Variants in SEZ6L observed in about 807,000 individuals in gnomAD.
The protein encoded by SEZ6L is seizure related 6 homolog like.
SEZ6L carries 37 observed loss-of-function variants against 106.2 expected under a neutral mutation model. The ratio of observed to expected loss-of-function variants is 0.35; its 90% confidence interval spans 0.27 to 0.46. The LOEUF (loss-of-function observed/expected upper bound fraction) is 0.46. SEZ6L is among the 20% of genes least tolerant of loss of function. SEZ6L has a pLI of 1.00. For missense variants in SEZ6L, 1,172 were observed against 1,332.8 expected, an observed-to-expected ratio of 0.88 and a Z score of 1.88; for synonymous variants, 541 against 570.4, an observed-to-expected ratio of 0.95 and a Z score of 0.73.
intron 13 of SEZ6L, among the ~76,000 whole-genome samples, chr22:26,370,218 T>C (rs1235183693): frequency 6.6e-6 from 1 of 151,884 alleles, no homozygotes; most frequent in Non-Finnish European, 1.5e-5. Flanking sequence ...TCGTCTCTAC[T>C]AAAAATACAA....
intron 1 of SEZ6L, among the ~76,000 whole-genome samples, chr22:26,233,523 A>G (rs559559111): frequency 6.6e-6 from 1 of 152,312 alleles, no homozygotes; most frequent in African/African-American, 2.4e-5. Context: ...TATTACGCTC[A>G]TTTTACAGAT....
chr22:26,301,821 C>T (rs1342661805), intron 5 of SEZ6L, among the ~76,000 whole-genome samples: 1 of 152,072 alleles, frequency 6.6e-6, no homozygotes, highest in Non-Finnish European at 1.5e-5. Context: ...TTTGAGAAAG[C>T]AAATAAATAA....
At chr22:26,332,340 G>A (rs4471991) in intron 9 of SEZ6L, among the ~76,000 whole-genome samples, 31,587 of 151,556 alleles carry the variant, frequency 0.21, 4,483 homozygotes, top group African/African-American at 0.4. Context: ...TGTAGAGATG[G>A]GATTTCACCA....
chr22:26,235,092 C>G, intron 1 of SEZ6L, among the ~76,000 whole-genome samples: 1 of 152,218 alleles, frequency 6.6e-6, no homozygotes, highest in East Asian at 1.9e-4. Context: ...CTTCCATCCC[C>G]TACAGTAGTG....
chr22:26,185,341 A>G (rs559585579), intron 1 of SEZ6L, among the ~76,000 whole-genome samples: 3 of 152,336 alleles, frequency 2.0e-5, no homozygotes, highest in Middle Eastern at 6.8e-3. Context: ...AGTGAGAGTC[A>G]GAGACCTGAG....
intron 12 of SEZ6L, among the ~76,000 whole-genome samples, chr22:26,358,516 G>A (rs2083511434): frequency 6.6e-6 from 1 of 152,162 alleles, no homozygotes; most frequent in Admixed American, 6.5e-5. Context: ...ACTATTACTA[G>A]GGGACTTGAT....
intron 9 of SEZ6L, among the ~76,000 whole-genome samples, chr22:26,318,723 T>C (rs935234008): frequency 2.0e-5 from 3 of 152,352 alleles, no homozygotes; most frequent in Admixed American, 2.0e-4. Flanking sequence ...AAATGAAATG[T>C]ATTCAAAGAC....
intron 5 of SEZ6L, among the ~76,000 whole-genome samples, chr22:26,302,339 T>C (rs2081482073): frequency 6.6e-6 from 1 of 152,230 alleles, no homozygotes; most frequent in South Asian, 2.1e-4. Flanking sequence ...AGCACTGGTT[T>C]GTAACGCACT....
At chr22:26,290,403 G>A (rs779991775) in intron 1 of SEZ6L, among the ~76,000 whole-genome samples, 5 of 152,276 alleles carry the variant, frequency 3.3e-5, no homozygotes, top group Non-Finnish European at 2.9e-5. Flanking sequence ...ATGGTGGCAC[G>A]CACCTGTGGT....
At position 26,203,875 on chromosome 22, in the gene SEZ6L, T is replaced by C. The variant is rs73417525; in HGVS notation, c.94+34112T>C. Among the ~76,000 whole-genome samples the C allele has an allele frequency of 9.0e-3, 1,364 of 152,050 alleles. 29 individuals are homozygous for C. Among genetic ancestry groups the C allele is most frequent in the African/African-American group, 0.03 (1,262 of 41,462 alleles). ...AGACCCCTTAAGAGCTGAAGAAGAG[T>C]AGGAGCAGAGAGAGGGAGAGGGTAA... On this transcript the variant is annotated intron_variant, in intron 1 of 16. Transcript: ENST00000248933.
At chr22:26,257,010 T>C (rs1450656237) in intron 1 of SEZ6L, among the ~76,000 whole-genome samples, 1 of 152,090 alleles carries the variant, frequency 6.6e-6, no homozygotes, top group East Asian at 1.9e-4. Flanking sequence ...TCAACAGGGG[T>C]GGGGAGCAAT....
At chr22:26,222,905 T>C (rs1017906545) in intron 1 of SEZ6L, among the ~76,000 whole-genome samples, 3 of 151,946 alleles carry the variant, frequency 2.0e-5, no homozygotes, top group African/African-American at 7.3e-5. Context: ...GGGTCACACC[T>C]GGGGTGTTTG....
chr22:26,290,055 C>T (rs1408263649), intron 1 of SEZ6L, among the ~76,000 whole-genome samples: 2 of 152,214 alleles, frequency 1.3e-5, no homozygotes, highest in Admixed American at 6.5e-5. Context: ...CATACATCAA[C>T]TCGCTGAATG....
chr22:26,180,774 A>G (rs933994272), intron 1 of SEZ6L, among the ~76,000 whole-genome samples: 3 of 152,230 alleles, frequency 2.0e-5, no homozygotes, highest in African/African-American at 7.2e-5. Context: ...ATTCATCTGG[A>G]ATGATGACAG....
intron 5 of SEZ6L, among the ~76,000 whole-genome samples, chr22:26,303,693 G>A (rs1007461293): frequency 6.6e-6 from 1 of 152,148 alleles, no homozygotes; most frequent in Non-Finnish European, 1.5e-5. Context: ...CTACATACCA[G>A]GAGCTCTTCT....
chr22:26,275,496 C>T (rs954520271), intron 1 of SEZ6L, among the ~76,000 whole-genome samples: 3 of 152,092 alleles, frequency 2.0e-5, no homozygotes, highest in African/African-American at 4.8e-5. Context: ...ATTGTCATTC[C>T]TCTTAAGGTT....
In SEZ6L at chr22:26,292,419, G is replaced by A. The variant is rs1381607955; in HGVS notation, c.108G>A (p.Glu36=). The A allele has an allele frequency of 6.2e-7, 1 of 1,612,692 alleles. No individual in the cohort carries two copies. The highest frequency in any genetic ancestry group is 8.5e-7 in the Non-Finnish European group (1 of 1,179,306). The change falls in exon 2 of 17, where the codon GAG becomes GAA. Residue 36 remains glutamate, a synonymous_variant. Coordinates refer to ENST00000248933, the MANE Select transcript of SEZ6L (RefSeq NM_021115.5). ...TCCTCTTCCAAGATGCTCTTCCCGAGGGAGATGCTAGCCCTTTGGGTCCTT... is the reference window on the plus strand; with the variant it reads ...TCCTCTTCCAAGATGCTCTTCCCGAAGGAGATGCTAGCCCTTTGGGTCCTT... ...AAALERDALP[E]GDASPLGPYL...
At chr22:26,333,151 C>T (rs895136270) in intron 9 of SEZ6L, among the ~76,000 whole-genome samples, 2 of 152,184 alleles carry the variant, frequency 1.3e-5, no homozygotes, top group African/African-American at 4.8e-5. Context: ...GGCATGTCCA[C>T]AAATGGCTGC....
chr22:26,369,338 G>GTCCTTTTTTTTTTTTTTTTTT (rs2083927308), intron 13 of SEZ6L, among the ~76,000 whole-genome samples: 2 of 83,618 alleles, frequency 2.4e-5, no homozygotes, highest in African/African-American at 1.5e-4. Context: ...TATATAAGCA[G>GTCCTTTTTTTTTTTTTTTTTT]TTCTTTTGTT....
Sources: gnomAD v4.1 joint callset for allele counts (sites outside exome capture counted in the v4.1 genomes callset) on GRCh38, gnomAD v4.1.1 for gene constraint, MANE v1.5 for transcripts, NCBI Gene and HGNC (gene_info 2026-07-23, HGNC 2026-07-21) for gene names.